COL4A5: variants seen among roughly 807,000 people sequenced by gnomAD.
The protein encoded by COL4A5 is collagen alpha-5(IV) chain.
COL4A5 carries 26 observed loss-of-function variants against 130.2 expected under a neutral mutation model. The observed-to-expected ratio is 0.20, with a 90% confidence interval of 0.15 to 0.28. The LOEUF is 0.28. Among genes scored for constraint, COL4A5 ranks in the 10% least tolerant of loss-of-function variants. COL4A5 has a pLI of 1.00. For missense variants in COL4A5, 1,131 were observed against 1,344.3 expected (o/e 0.84, Z 2.48); for synonymous variants, 496 against 439.6 (o/e 1.13, Z -1.60).
chrX:108,499,882 A>T (rs775533155), intron 1 of COL4A5, among the ~76,000 whole-genome samples: 13 of 111,856 alleles, frequency 1.2e-4, no homozygotes, highest in Admixed American at 1.9e-4. Context: ...CATACATAGT[A>T]TACATACATA....
At chrX:108,479,641 A>G (rs2064869170) in intron 1 of COL4A5, among the ~76,000 whole-genome samples, 1 of 111,719 alleles carries the variant, frequency 9.0e-6, no homozygotes, top group African/African-American at 3.3e-5. Context: ...AGTGAAGACC[A>G]TGGTCATTTG....
chrX:108,681,014 A>T, intron 46 of COL4A5, 58 bp downstream of exon 46: 1 of 1,056,250 alleles, frequency 9.5e-7, no homozygotes, highest in Non-Finnish European at 1.3e-6. Flanking sequence ...AAAGAATTTG[A>T]AAGTTTTCAT....
At chrX:108,459,792 C>A (rs1413035416) in intron 1 of COL4A5, among the ~76,000 whole-genome samples, 1 of 111,769 alleles carries the variant, frequency 8.9e-6, no homozygotes, top group Non-Finnish European at 1.9e-5. Context: ...TTAACTATAG[C>A]ATAGAGATAT....
At chrX:108,607,350 C>CA (rs558025535) in intron 29 of COL4A5, among the ~76,000 whole-genome samples, 15,027 of 49,426 alleles carry the variant, frequency 0.3, 1,700 homozygotes, top group East Asian at 0.6. Context: ...GACTTTGTCT[C>CA]AAAAAAAAAA....
intron 52 of COL4A5, chrX:108,696,050 A>G (rs1222843597): frequency 3.1e-5 from 11 of 349,350 alleles, no homozygotes; most frequent in Non-Finnish European, 5.5e-5. Context: ...AAGATAGAAA[A>G]TGAGAGGGAA....
chrX:108,626,174 T>C (rs1251571619), intron 35 of COL4A5, 36 bp from the exon 36 acceptor site: 1 of 1,185,901 alleles, frequency 8.4e-7, no homozygotes, highest in Non-Finnish European at 1.1e-6. Flanking sequence ...GTAAAGCATA[T>C]TTTGTAAAAT....
At chrX:108,685,617 C>T (rs2068528175) in intron 47 of COL4A5, among the ~76,000 whole-genome samples, 1 of 112,324 alleles carries the variant, frequency 8.9e-6, no homozygotes, top group Non-Finnish European at 1.9e-5. Context: ...GGCCATTTGA[C>T]TCTACGTTTA....
chrX:108,573,951 A>G (rs905858473), intron 9 of COL4A5, among the ~76,000 whole-genome samples: 2 of 111,291 alleles, frequency 1.8e-5, no homozygotes, highest in Admixed American at 9.6e-5. Flanking sequence ...GTACATTTAC[A>G]AAAGACCTAA....
chrX:108,466,764 AG>A (rs1218060845), intron 1 of COL4A5, among the ~76,000 whole-genome samples: 1 of 103,639 alleles, frequency 9.6e-6, no homozygotes, highest in Non-Finnish European at 1.9e-5. Context: ...CACATGGCCA[AG>A]GTGGCTTTTT....
rs1569483066 is a variant in COL4A5 at position 108,539,729 on chromosome X, CTT to C, written c.82-15_82-14del. The C allele has an allele frequency of 3.3e-6, 4 of 1,198,307 alleles. No individual in the cohort carries two copies. The East Asian group carries it at 8.9e-5, about 27-fold the overall frequency. On this transcript the variant is annotated splice_polypyrimidine_tract_variant and intron_variant, in intron 1 of 52. Transcript: ENST00000328300. ...GTTCATATTTAATGATTTTTTCCCT[CTT>C]TCTCTTCCTTATAGGCTTGCTATGG...
intron 36 of COL4A5, among the ~76,000 whole-genome samples, chrX:108,644,584 T>G (rs189094706): frequency 1.2e-3 from 139 of 111,792 alleles, no homozygotes; most frequent in African/African-American, 4.1e-3. Context: ...AAAAGGAATC[T>G]GCAAATACAT....
Position 108,607,987 on chromosome X carries a change from T to G in COL4A5, c.2395+1095T>G, listed in dbSNP as rs184241843. Among the ~76,000 whole-genome samples, 345 of 112,012 alleles carry G rather than the reference T, an allele frequency of 3.1e-3. 1 individual carries two copies. The highest frequency in any genetic ancestry group is 0.011 in the African/African-American group (333 of 30,808). On this transcript the variant is annotated intron_variant, in intron 29 of 52. Coordinates refer to ENST00000328300, the MANE Select transcript of COL4A5 (RefSeq NM_033380.3). ...TCATCCCAGTTGCTAGTTGCTAGAT[T>G]GGATTTTTGCCAATCATTTATTACA...
Position 108,526,649 on chromosome X carries a change from TTTCTTTCTTTC to T in COL4A5, c.82-13084_82-13074del, listed in dbSNP as rs1226085498. On this transcript the variant is annotated intron_variant, in intron 1 of 52. Transcript: ENST00000328300. ...CTTTCTTTCTTTCTTTCTTTCTTTC[TTTCTTTCTTTC>T]TTCTTTCTTTCTCTTTCTTTCTTTC... Among the ~76,000 whole-genome samples, 248 of 60,938 alleles carry T rather than the reference TTTCTTTCTTTC, an allele frequency of 4.1e-3. 7 individuals carry two copies. The highest frequency in any genetic ancestry group is 0.02 in the African/African-American group (222 of 11,107). The allele number at this position is 60,938 out of a possible 115,157, so 52.9% of individuals were successfully genotyped here.
At chrX:108,451,094 G>A (rs1349292525) in intron 1 of COL4A5, among the ~76,000 whole-genome samples, 2 of 108,462 alleles carry the variant, frequency 1.8e-5, no homozygotes, top group Non-Finnish European at 3.8e-5. Flanking sequence ...AACATGCGGT[G>A]TTTGATTTTT....
chrX:108,516,556 G>T (rs2065223126), intron 1 of COL4A5, among the ~76,000 whole-genome samples: 1 of 111,635 alleles, frequency 9.0e-6, no homozygotes, highest in African/African-American at 3.2e-5. Flanking sequence ...AGAATGGAAA[G>T]CTGCAGTACT....
At position 108,665,601 on chromosome X, in the gene COL4A5, A is replaced by G. The variant is rs1486182051; in HGVS notation, c.3454+14A>G. ...CTGGTCCTGTAGGTAAGCATGAAAA[A>G]TAACAGTTTGCTGTTTTATAAAACT... On this transcript the variant is annotated intron_variant, in intron 38 of 52. Coordinates refer to ENST00000328300, the MANE Select transcript of COL4A5 (RefSeq NM_033380.3). The G allele has an allele frequency of 1.8e-6, 2 of 1,136,291 alleles. No individual in the cohort carries two copies. The highest frequency in any genetic ancestry group is 1.2e-6 in the Non-Finnish European group (1 of 829,988). 93.6% of individuals were successfully genotyped at this position (1,136,291 alleles called of 1,213,427 possible).
intron 19 of COL4A5, among the ~76,000 whole-genome samples, chrX:108,588,878 C>A (rs2066383691): frequency 9.0e-6 from 1 of 111,347 alleles, no homozygotes; most frequent in Admixed American, 9.5e-5. Context: ...TTCTGTATTA[C>A]ATTAAACTAT....
At chrX:108,476,377 G>T (rs1434960452) in intron 1 of COL4A5, among the ~76,000 whole-genome samples, 1 of 110,064 alleles carries the variant, frequency 9.1e-6, no homozygotes, top group South Asian at 3.9e-4. Context: ...GTAAAATGGG[G>T]TATCCGTCCC....
intron 36 of COL4A5, among the ~76,000 whole-genome samples, chrX:108,653,015 G>GT (rs2067762556): frequency 8.9e-6 from 1 of 111,742 alleles, no homozygotes; most frequent in African/African-American, 3.3e-5. Context: ...TTTGTGTCCA[G>GT]TTTGTAGATT....
Sources: gnomAD v4.1 joint callset for allele counts (sites outside exome capture counted in the v4.1 genomes callset) on GRCh38, gnomAD v4.1.1 for gene constraint, MANE v1.5 for transcripts, NCBI Gene and HGNC (gene_info 2026-07-23, HGNC 2026-07-21) for gene names.